Variants in FBXW10B observed in about 807,000 individuals in gnomAD.
FBXW10B encodes the protein F-box and WD repeat domain containing 10B.
chr17:15,570,527 A>C, the FBXW10B span, among the ~76,000 whole-genome samples: 3 of 152,300 alleles, frequency 2.0e-5, no homozygotes, highest in Non-Finnish European at 4.4e-5. Context: ...TACAGACCAG[A>C]CTACACTGTG....
chr17:15,619,445 A>G, the FBXW10B span: 3 of 1,521,420 alleles, frequency 2.0e-6, no homozygotes, highest in South Asian at 2.2e-5. Context: ...GCATAGAGGG[A>G]TGGAATCGGT....
At chr17:15,582,584 A>G in the FBXW10B span, among the ~76,000 whole-genome samples, 1 of 150,818 alleles carries the variant, frequency 6.6e-6, no homozygotes, top group African/African-American at 2.4e-5. Flanking sequence ...CTGATGTCTC[A>G]TTGTATACAA....
chr17:15,579,635 T>C, the FBXW10B span, among the ~76,000 whole-genome samples: 1 of 152,210 alleles, frequency 6.6e-6, no homozygotes, highest in Admixed American at 6.5e-5. Context: ...ATGAAATTAA[T>C]TTTTGTCTAA....
At chr17:15,585,395 TAAG>T in the FBXW10B span, among the ~76,000 whole-genome samples, 2 of 152,216 alleles carry the variant, frequency 1.3e-5, no homozygotes, top group Admixed American at 1.3e-4. Flanking sequence ...GACACTTTGG[TAAG>T]CAGTGATACC....
the FBXW10B span, among the ~76,000 whole-genome samples, chr17:15,595,162 A>T: frequency 2.0e-5 from 3 of 152,152 alleles, no homozygotes; most frequent in East Asian, 5.8e-4. Flanking sequence ...CAACATGGTG[A>T]CACCCTGTCT....
chr17:15,595,028 A>C, the FBXW10B span: 1 of 1,326,110 alleles, frequency 7.5e-7, no homozygotes, highest in Non-Finnish European at 1.0e-6. Flanking sequence ...TACCTGAGCT[A>C]ATCCTGCTTT....
the FBXW10B span, among the ~76,000 whole-genome samples, chr17:15,587,314 A>C: frequency 2.6e-5 from 4 of 151,550 alleles, no homozygotes; most frequent in African/African-American, 7.3e-5. Flanking sequence ...CTCAAGGCAG[A>C]ATGTGCACTC....
the FBXW10B span, among the ~76,000 whole-genome samples, chr17:15,606,655 G>A: frequency 6.6e-6 from 1 of 150,622 alleles, no homozygotes; most frequent in Non-Finnish European, 1.5e-5. Flanking sequence ...ATATATATAT[G>A]TGTGTGTATA....
At chr17:15,569,134 T>C in the FBXW10B span, 3 of 724,966 alleles carry the variant, frequency 4.1e-6, no homozygotes, top group East Asian at 1.0e-4. Context: ...TGTTGATTTC[T>C]TTCCTTTTGT....
the FBXW10B span, among the ~76,000 whole-genome samples, chr17:15,582,074 T>G: frequency 6.6e-6 from 1 of 151,580 alleles, no homozygotes; most frequent in African/African-American, 2.4e-5. Flanking sequence ...AGGAGAAAAC[T>G]CAGGTGTGTA....
chr17:15,591,961 T>G, the FBXW10B span, among the ~76,000 whole-genome samples: 1 of 152,192 alleles, frequency 6.6e-6, no homozygotes, highest in South Asian at 2.1e-4. Flanking sequence ...GCTCCGGAAC[T>G]TGCCCTCCCT....
chr17:15,587,678 C>T, the FBXW10B span, among the ~76,000 whole-genome samples: 3 of 152,164 alleles, frequency 2.0e-5, no homozygotes, highest in African/African-American at 7.2e-5. Flanking sequence ...CTCATAGATA[C>T]AGGCCCTCTC....
the FBXW10B span, chr17:15,573,335 C>T: frequency 2.0e-5 from 3 of 152,180 alleles, no homozygotes; most frequent in Admixed American, 2.0e-4. Context: ...CACAGGGAAA[C>T]AGAACCCCAT....
chr17:15,567,683 A>C, the FBXW10B span, among the ~76,000 whole-genome samples: 3 of 152,142 alleles, frequency 2.0e-5, no homozygotes, highest in Non-Finnish European at 4.4e-5. Context: ...AACAGAGTGA[A>C]ATCCTGTCTC....
At chr17:15,588,866 T>C in the FBXW10B span, 1 of 1,614,102 alleles carries the variant, frequency 6.2e-7, no homozygotes, top group African/African-American at 1.3e-5. Flanking sequence ...TTGCTAGCTG[T>C]GTCCTTTGCC....
At chr17:15,615,789 C>T in the FBXW10B span, 1 of 1,613,818 alleles carries the variant, frequency 6.2e-7, no homozygotes, top group Non-Finnish European at 8.5e-7. Context: ...AAACACACAT[C>T]TGTGATGTCT....
chr17:15,593,976 A>T, the FBXW10B span, among the ~76,000 whole-genome samples: 3 of 152,152 alleles, frequency 2.0e-5, no homozygotes, highest in African/African-American at 7.2e-5. Flanking sequence ...TTCTCTCAAG[A>T]CATACCTCTT....
the FBXW10B span, chr17:15,605,431 C>G: frequency 6.7e-7 from 1 of 1,494,424 alleles, no homozygotes; most frequent in East Asian, 2.4e-5. Context: ...CACCTGAGTG[C>G]CAGGGGAAAA....
At chr17:15,568,588 CTCACT>C in the FBXW10B span, among the ~76,000 whole-genome samples, 1 of 151,254 alleles carries the variant, frequency 6.6e-6, no homozygotes, top group Non-Finnish European at 1.5e-5. Context: ...TCCTCCTCAT[CTCACT>C]TCCCTGCATT....
Sources: allele counts gnomAD v4.1 joint callset (sites outside exome capture counted in the v4.1 genomes callset), GRCh38; gene constraint gnomAD v4.1.1; transcripts MANE v1.5; gene names NCBI Gene and HGNC (gene_info 2026-07-23, HGNC 2026-07-21).